The following GRIP1 variants were observed in gnomAD, a reference collection of about 807,000 sequenced individuals.
GRIP1 encodes glutamate receptor-interacting protein 1.
In GRIP1, 45 loss-of-function variants were observed where a neutral mutation model predicts 129.9. The ratio of observed to expected loss-of-function variants is 0.35; its 90% CI spans 0.27 to 0.44. GRIP1 has a LOEUF of 0.44. Among genes scored for constraint, GRIP1 ranks in the 20% least tolerant of loss-of-function variants. The pLI, the probability that GRIP1 is intolerant of heterozygous loss-of-function variation, is 1.00. For synonymous variants in GRIP1, 530 were observed against 520.8 expected (o/e 1.02, Z -0.24); for missense variants, 1,196 against 1,396.8 (o/e 0.86, Z 2.29).
In GRIP1 at chr12:66,927,023, T is replaced by C. The variant is rs148739192; in HGVS notation, c.58+142027A>G. 1.1e-4 allele frequency among the ~76,000 whole-genome samples: 17 copies of C among 152,308 alleles called. No homozygotes were observed. In the East Asian group the frequency reaches 3.3e-3, roughly 29 times the overall value. ...TAGGTGCTACGCTAAGTATTCTTAG[T>C]GAGTGAAAGGGCTTCTACGACATAG... On this transcript the variant is annotated intron_variant, in intron 1 of 1. Transcript: ENST00000643019.
chr12:66,909,759 C>G (rs2040997918), intron 1 of GRIP1, among the ~76,000 whole-genome samples: 1 of 152,148 alleles, frequency 6.6e-6, no homozygotes, highest in Non-Finnish European at 1.5e-5. Context: ...TTAGCCCCTC[C>G]CCTACCTTCT....
intron 1 of GRIP1, among the ~76,000 whole-genome samples, chr12:67,035,997 T>A (rs1261699620): frequency 6.6e-6 from 1 of 152,152 alleles, no homozygotes; most frequent in African/African-American, 2.4e-5. Flanking sequence ...AATAAATAAA[T>A]CAGTTGCAAC....
chr12:66,515,676 G>A lies in GRIP1; in HGVS notation c.667C>T (p.Leu223Phe), dbSNP rs1247106524. Residue 223 changes from leucine to phenylalanine, a missense_variant, in exon 7 of 25, where the codon CTT (leucine) becomes TTT (phenylalanine). Physicochemically the swap from Leu to Phe is conservative, Grantham distance 22. This residue lies in a region of GRIP1 where 508 missense variants were observed against 587.0 expected (regional missense o/e 0.87). Transcript: ENST00000359742. Reference sequence around the variant, plus strand: ...GCTGCTTCTTGTCCACATTGTTTAAGAATACTCATGGCTTCAGCATGCGTA... The same window carrying A: ...GCTGCTTCTTGTCCACATTGTTTAAAAATACTCATGGCTTCAGCATGCGTA... ...GTTHAEAMSI[L>F]KQCGQEAALL... is the part of the protein sequence containing the mutation. The A allele has an allele frequency of 1.2e-6, 2 of 1,613,388 alleles. No individual in the cohort carries two copies. The highest frequency in any genetic ancestry group is 2.2e-5 in the South Asian group (2 of 91,066).
intron 1 of GRIP1, among the ~76,000 whole-genome samples, chr12:67,025,922 C>T (rs747965474): frequency 6.6e-6 from 1 of 152,172 alleles, no homozygotes; most frequent in African/African-American, 2.4e-5. Flanking sequence ...TCCTAACTAG[C>T]CAGTGGTGTT....
At chr12:66,733,712 C>T (rs745679618) in intron 1 of GRIP1, among the ~76,000 whole-genome samples, 7 of 152,144 alleles carry the variant, frequency 4.6e-5, no homozygotes, top group Non-Finnish European at 1.0e-4. Context: ...TTATATCTAG[C>T]AGCTGTGTAC....
chr12:66,696,513 G>A (rs1207316822), intron 1 of GRIP1, among the ~76,000 whole-genome samples: 3 of 152,050 alleles, frequency 2.0e-5, no homozygotes, highest in Non-Finnish European at 4.4e-5. Flanking sequence ...TAGGCCAGGC[G>A]TGGTGGCTCT....
At chr12:66,626,460 C>T (rs922670147) in intron 1 of GRIP1, among the ~76,000 whole-genome samples, 4 of 152,040 alleles carry the variant, frequency 2.6e-5, no homozygotes, top group South Asian at 2.1e-4. Context: ...ATAAATACTA[C>T]GTGTGCACAA....
chr12:66,723,210 C>CTT (rs150227863), intron 1 of GRIP1, among the ~76,000 whole-genome samples: 17 of 49,830 alleles, frequency 3.4e-4, no homozygotes, highest in South Asian at 7.9e-4. Flanking sequence ...TCTTTTCTTT[C>CTT]TTTCTTTCTT....
chr12:66,492,689 A>G (rs2060134173), intron 7 of GRIP1, among the ~76,000 whole-genome samples: 1 of 152,180 alleles, frequency 6.6e-6, no homozygotes, highest in Non-Finnish European at 1.5e-5. Flanking sequence ...GGGACAGCAA[A>G]TAAGTTGGAT....
chr12:67,047,571 T>A (rs368129212), intron 1 of GRIP1, among the ~76,000 whole-genome samples: 3 of 152,198 alleles, frequency 2.0e-5, no homozygotes, highest in African/African-American at 7.2e-5. Flanking sequence ...TGTTGTCTCC[T>A]CAGCATCCAA....
chr12:66,639,776 A>G (rs1467673984), intron 1 of GRIP1, among the ~76,000 whole-genome samples: 1 of 152,244 alleles, frequency 6.6e-6, no homozygotes, highest in African/African-American at 2.4e-5. Flanking sequence ...CCATTTTTCT[A>G]TTAAAAATTA....
At chr12:66,815,836 C>CTTTT (rs1566036716) in intron 1 of GRIP1, among the ~76,000 whole-genome samples, 1 of 36,678 alleles carries the variant, frequency 2.7e-5, no homozygotes, top group African/African-American at 5.7e-5. Context: ...TTCTTTCTTT[C>CTTTT]TTTCTTTCTT....
chr12:66,580,510 C>T (rs1592590766), intron 2 of GRIP1, among the ~76,000 whole-genome samples: 2 of 152,050 alleles, frequency 1.3e-5, no homozygotes, highest in East Asian at 1.9e-4. Flanking sequence ...ACTCAGGAAA[C>T]CCATCTCACA....
intron 1 of GRIP1, among the ~76,000 whole-genome samples, chr12:66,914,351 A>G (rs1194850143): frequency 6.6e-6 from 1 of 152,152 alleles, no homozygotes; most frequent in Non-Finnish European, 1.5e-5. Context: ...TACATCTTTT[A>G]TTCATTCAGG....
intron 16 of GRIP1, among the ~76,000 whole-genome samples, chr12:66,398,354 G>T (rs137912822): frequency 6.6e-6 from 1 of 151,860 alleles, no homozygotes; most frequent in Non-Finnish European, 1.5e-5. Context: ...AGAGGGTCAC[G>T]CCATTCTCCC....
Position 66,749,793 on chromosome 12 carries a change from T to G in GRIP1, c.-420+54260A>C, listed in dbSNP as rs939237012. ...CAGATATAATGGTGGTGAGGCATCT[T>G]GGATGAAGAAAATTCCCCGGAGATG... On this transcript the variant is annotated intron_variant, in intron 1 of 4. Coordinates refer to the GRIP1 transcript ENST00000538373. 4.6e-5 allele frequency among the ~76,000 whole-genome samples: 7 copies of G among 152,258 alleles called. No individual in the cohort carries two copies. The East Asian group carries it at 1.4e-3, about 29-fold the overall frequency.
chr12:66,463,923 T>C (rs1445443044), intron 8 of GRIP1, among the ~76,000 whole-genome samples: 5 of 152,182 alleles, frequency 3.3e-5, no homozygotes, highest in African/African-American at 7.2e-5. Context: ...TCCTGTGCCA[T>C]TGAACTGCAC....
chr12:66,515,349 G>T (rs2060813609), intron 7 of GRIP1, among the ~76,000 whole-genome samples: 1 of 151,952 alleles, frequency 6.6e-6, no homozygotes, highest in South Asian at 2.1e-4. Context: ...GCTGCCAAAG[G>T]GTAATCCACA....
intron 2 of GRIP1, among the ~76,000 whole-genome samples, chr12:66,591,442 GCCCAA>G (rs887575654): frequency 3.2e-4 from 49 of 152,254 alleles, no homozygotes; most frequent in African/African-American, 1.2e-3. Context: ...TACAGGGACA[GCCCAA>G]CTGAGAAGCA....
Sources: gnomAD v4.1 joint callset for allele counts (sites outside exome capture counted in the v4.1 genomes callset) on GRCh38, gnomAD v4.1.1 for gene constraint, gnomAD v4.1.1 regional missense constraint, MANE v1.5 for transcripts, NCBI Gene and HGNC (gene_info 2026-07-23, HGNC 2026-07-21) for gene names.